Variants in EXOC6B observed in about 807,000 individuals in gnomAD.
EXOC6B encodes the protein exocyst complex component 6B.
EXOC6B carries 54 observed loss-of-function variants against 113.5 expected under a neutral mutation model. The ratio of observed to expected loss-of-function variants is 0.48; its 90% CI spans 0.38 to 0.60. The LOEUF is 0.60. Ranked by LOEUF, EXOC6B falls within the 20% of genes least tolerant of loss-of-function variation. The pLI, the probability that EXOC6B is intolerant of heterozygous loss-of-function variation, is 0.00. For missense variants in EXOC6B, 797 were observed against 977.5 expected, an observed-to-expected ratio of 0.82 and a Z score of 2.46; for synonymous variants, 357 against 339.0, an observed-to-expected ratio of 1.05 and a Z score of -0.58.
intron 6 of EXOC6B, among the ~76,000 whole-genome samples, chr2:72,704,678 C>T (rs1470366448): frequency 2.0e-5 from 3 of 151,726 alleles, no homozygotes; most frequent in African/African-American, 7.3e-5. Flanking sequence ...TACAAACTAC[C>T]ATCAGGGAAT....
chr2:72,608,002 A>C (rs1281403220), intron 6 of EXOC6B, among the ~76,000 whole-genome samples: 1 of 152,220 alleles, frequency 6.6e-6, no homozygotes, highest in Admixed American at 6.5e-5. Flanking sequence ...ATTGTTTTAC[A>C]TAAATTCAGC....
intron 8 of EXOC6B, among the ~76,000 whole-genome samples, chr2:72,517,576 G>A (rs993527644): frequency 1.3e-5 from 2 of 152,120 alleles, no homozygotes; most frequent in Non-Finnish European, 2.9e-5. Flanking sequence ...GTTTGTTAAA[G>A]TTATTCTCAA....
chr2:72,631,457 TATATAGAGAGAGAGAGAGAGAGAGAGAG>T (rs1672448599), intron 6 of EXOC6B, among the ~76,000 whole-genome samples: 58 of 10,628 alleles, frequency 5.5e-3, no homozygotes, highest in Middle Eastern at 0.1. Flanking sequence ...TATATATATA[TATATAGAGAGAGAGAGAGAGAGAGAGAG>T]AGAGAGAGAG....
chr2:72,577,164 G>T (rs1704927279), intron 6 of EXOC6B, among the ~76,000 whole-genome samples: 1 of 152,014 alleles, frequency 6.6e-6, no homozygotes. Flanking sequence ...TGATATTTTG[G>T]TTAGATTTAC....
chr2:72,685,814 A>G (rs573296807), intron 6 of EXOC6B, among the ~76,000 whole-genome samples: 102 of 152,356 alleles, frequency 6.7e-4, no homozygotes, highest in African/African-American at 2.4e-3. Context: ...AGCTTAATCC[A>G]TGCAGGACAT....
chr2:72,517,050 G>A (rs1284977609), intron 8 of EXOC6B, among the ~76,000 whole-genome samples: 1 of 152,112 alleles, frequency 6.6e-6, no homozygotes, highest in East Asian at 1.9e-4. Flanking sequence ...GTCGACTTAA[G>A]GTACTAGTCA....
At chr2:72,522,247 C>T (rs1395138636) in intron 8 of EXOC6B, among the ~76,000 whole-genome samples, 2 of 152,032 alleles carry the variant, frequency 1.3e-5, no homozygotes, top group African/African-American at 4.8e-5. Flanking sequence ...TTACTAAATT[C>T]ATATTTAATT....
At chr2:72,581,410 T>C (rs1705214596) in intron 6 of EXOC6B, among the ~76,000 whole-genome samples, 2 of 152,214 alleles carry the variant, frequency 1.3e-5, no homozygotes, top group Non-Finnish European at 2.9e-5. Context: ...TTATTGTCCG[T>C]AGGAATGTGT....
chr2:72,244,193 C>T (rs192420960), intron 20 of EXOC6B, among the ~76,000 whole-genome samples: 9 of 152,154 alleles, frequency 5.9e-5, no homozygotes, highest in Middle Eastern at 3.4e-3. Flanking sequence ...AGAAATGATA[C>T]AAAGTGTGCT....
At chr2:72,631,426 GTATATATATATATATA>G (rs376088377) in intron 6 of EXOC6B, among the ~76,000 whole-genome samples, 65 of 28,170 alleles carry the variant, frequency 2.3e-3, no homozygotes, top group South Asian at 6.1e-3. Context: ...GTGTGTGTGT[GTATATATATATATATA>G]TATATATATA....
At chr2:72,578,669 T>C (rs1433262367) in intron 6 of EXOC6B, among the ~76,000 whole-genome samples, 1 of 151,998 alleles carries the variant, frequency 6.6e-6, no homozygotes, top group African/African-American at 2.4e-5. Context: ...AGAAATAAGA[T>C]GGAGACCCTG....
intron 20 of EXOC6B, among the ~76,000 whole-genome samples, chr2:72,192,976 C>T (rs1678941670): frequency 6.6e-6 from 1 of 152,222 alleles, no homozygotes; most frequent in Admixed American, 6.5e-5. Flanking sequence ...AGCATGGCCA[C>T]TGTATAAAGT....
chr2:72,284,674 G>T (rs1010855640), intron 20 of EXOC6B, among the ~76,000 whole-genome samples: 2 of 151,902 alleles, frequency 1.3e-5, no homozygotes, highest in African/African-American at 4.8e-5. Context: ...TGAAAGAGAA[G>T]AAAGAAAACT....
chr2:72,457,007 G>T (rs1697276895), intron 18 of EXOC6B, among the ~76,000 whole-genome samples: 1 of 150,478 alleles, frequency 6.6e-6, no homozygotes, highest in African/African-American at 2.5e-5. Context: ...GAAAGGCATG[G>T]GGGGGAAAAA....
At chr2:72,746,624 T>C (rs1327247204) in intron 1 of EXOC6B, among the ~76,000 whole-genome samples, 1 of 152,114 alleles carries the variant, frequency 6.6e-6, no homozygotes, top group African/African-American at 2.4e-5. Flanking sequence ...TTATATCACT[T>C]GCTTAGAGCC....
chr2:72,692,241 G>A (rs1404615067), intron 6 of EXOC6B, among the ~76,000 whole-genome samples: 2 of 151,084 alleles, frequency 1.3e-5, no homozygotes, highest in Non-Finnish European at 2.9e-5. Context: ...TATGATTACT[G>A]ATATGATTAC....
chr2:72,363,957 C>T (rs1690464010), intron 19 of EXOC6B, among the ~76,000 whole-genome samples: 1 of 151,990 alleles, frequency 6.6e-6, no homozygotes, highest in Admixed American at 6.6e-5. Flanking sequence ...AAATGGAAGA[C>T]CTGACCTCAT....
chr2:72,281,981 AACTAC>A (rs1354045625), intron 20 of EXOC6B, among the ~76,000 whole-genome samples: 2 of 152,146 alleles, frequency 1.3e-5, no homozygotes, highest in Non-Finnish European at 2.9e-5. Flanking sequence ...AAGACAATGG[AACTAC>A]ATATTTGAAT....
At chr2:72,762,529 G>A (rs35666345) in intron 1 of EXOC6B, among the ~76,000 whole-genome samples, 84,355 of 151,516 alleles carry the variant, frequency 0.56, 28,346 homozygotes, top group East Asian at 0.92. Context: ...AAAGATACCT[G>A]TAAAGTGCTA....
Sources: allele counts gnomAD v4.1 joint callset (sites outside exome capture counted in the v4.1 genomes callset), GRCh38; gene constraint gnomAD v4.1.1; transcripts MANE v1.5; gene names NCBI Gene and HGNC (gene_info 2026-07-23, HGNC 2026-07-21).